TTC28: variants seen among roughly 807,000 people sequenced by gnomAD.
TTC28 encodes tetratricopeptide repeat domain 28.
In TTC28, 61 loss-of-function variants were observed where a neutral mutation model predicts 198.0. The observed-to-expected ratio is 0.31, with a 90% CI of 0.25 to 0.38. TTC28 has a LOEUF of 0.38. Among genes scored for constraint, TTC28 ranks in the 10% least tolerant of loss-of-function variants. The pLI is 1.00. For missense variants in TTC28, 2,678 were observed against 3,164.0 expected (o/e 0.85, Z 3.69); for synonymous variants, 1,171 against 1,297.8 (o/e 0.90, Z 2.10).
intron 2 of TTC28, among the ~76,000 whole-genome samples, chr22:28,506,098 G>A (rs929027446): frequency 7.2e-5 from 11 of 152,092 alleles, no homozygotes; most frequent in African/African-American, 2.2e-4. Context: ...TTCCTGCGGT[G>A]GCTTCAGCCA....
chr22:28,639,511 T>C (rs2051328584), intron 1 of TTC28, among the ~76,000 whole-genome samples: 1 of 152,220 alleles, frequency 6.6e-6, no homozygotes, highest in Non-Finnish European at 1.5e-5. Flanking sequence ...AAGTCTCATC[T>C]TGAATTCCCA....
chr22:28,277,338 A>G (rs2044491267), intron 5 of TTC28, among the ~76,000 whole-genome samples: 1 of 152,244 alleles, frequency 6.6e-6, no homozygotes, highest in Non-Finnish European at 1.5e-5. Flanking sequence ...CAGGGAGAAT[A>G]AAAGATTCTG....
intron 2 of TTC28, among the ~76,000 whole-genome samples, chr22:28,396,115 C>T (rs1279321859): frequency 6.6e-6 from 1 of 152,142 alleles, no homozygotes; most frequent in Non-Finnish European, 1.5e-5. Context: ...AATAGTAATG[C>T]TGGGCATCAG....
intron 5 of TTC28, among the ~76,000 whole-genome samples, chr22:28,231,439 T>C (rs573649512): frequency 6.6e-6 from 1 of 152,354 alleles, no homozygotes; most frequent in Non-Finnish European, 1.5e-5. Flanking sequence ...TATTTTTAAA[T>C]TTTAAGTCCA....
intron 12 of TTC28, among the ~76,000 whole-genome samples, chr22:28,090,763 TCTTA>T (rs1400280604): frequency 6.6e-6 from 1 of 152,228 alleles, no homozygotes; most frequent in Non-Finnish European, 1.5e-5. Flanking sequence ...AGTGAAATTT[TCTTA>T]CTGTTTTCAT....
chr22:28,562,160 G>GA (rs938415963), intron 2 of TTC28, among the ~76,000 whole-genome samples: 3 of 151,878 alleles, frequency 2.0e-5, no homozygotes, highest in Non-Finnish European at 4.4e-5. Context: ...AAGTAATGAG[G>GA]AAAAAAATTG....
At chr22:28,405,263 T>A (rs775987600) in intron 2 of TTC28, among the ~76,000 whole-genome samples, 21 of 152,240 alleles carry the variant, frequency 1.4e-4, no homozygotes, top group Admixed American at 1.2e-3. Flanking sequence ...TTTAAGACTA[T>A]GATTATGATT....
intron 2 of TTC28, among the ~76,000 whole-genome samples, chr22:28,467,769 T>A (rs1417827438): frequency 1.3e-5 from 2 of 152,238 alleles, no homozygotes; most frequent in East Asian, 3.9e-4. Flanking sequence ...AGAAGAGATT[T>A]TTTTTTCCTT....
chr22:28,162,993 A>G, intron 6 of TTC28, 99 bp downstream of exon 6: 2 of 1,370,116 alleles, frequency 1.5e-6, no homozygotes. Flanking sequence ...TATTCTTTTA[A>G]ATATAAACAC....
intron 5 of TTC28, among the ~76,000 whole-genome samples, chr22:28,253,422 G>A (rs1321570437): frequency 1.3e-5 from 2 of 152,048 alleles, no homozygotes; most frequent in Non-Finnish European, 2.9e-5. Context: ...TTACTGCAAT[G>A]CACTAGCTTA....
intron 12 of TTC28, among the ~76,000 whole-genome samples, chr22:28,049,018 C>A (rs1049086807): frequency 6.6e-5 from 10 of 152,196 alleles, no homozygotes; most frequent in Admixed American, 1.3e-4. Flanking sequence ...TCCTTAAGAT[C>A]CAGACCATAA....
intron 6 of TTC28, among the ~76,000 whole-genome samples, chr22:28,122,135 T>C (rs953122647): frequency 3.3e-5 from 5 of 152,198 alleles, no homozygotes; most frequent in African/African-American, 2.4e-5. Context: ...CCCAAAGTGA[T>C]AGGATTGCAG....
At chr22:28,308,719 G>A (rs539171397) in intron 2 of TTC28, among the ~76,000 whole-genome samples, 2 of 152,222 alleles carry the variant, frequency 1.3e-5, no homozygotes, top group African/African-American at 4.8e-5. Context: ...ATAAGAAAAG[G>A]TAAGACTGGA....
intron 2 of TTC28, among the ~76,000 whole-genome samples, chr22:28,354,224 A>G (rs749410498): frequency 3.9e-5 from 6 of 152,226 alleles, no homozygotes; most frequent in Non-Finnish European, 7.3e-5. Context: ...GTAGTTATCC[A>G]ACAGTGTTCA....
chr22:28,522,569 A>G (rs1048436940), intron 2 of TTC28, among the ~76,000 whole-genome samples: 4 of 152,076 alleles, frequency 2.6e-5, no homozygotes, highest in Admixed American at 2.6e-4. Flanking sequence ...ATTGTAAATA[A>G]TAGAACTGAA....
rs1390903052 is a variant in TTC28, at chr22:28,398,551, T to C, written c.382-91908A>G. The stretch of plus-strand genomic sequence containing the variant: ...TGACAAACTGAGGGTGACTCCAGCA[T>C]GTAAGGCATTATTCATCTCTAAACA... On this transcript the variant is annotated intron_variant, in intron 2 of 22. Transcript: ENST00000397906. Among the ~76,000 whole-genome samples the C allele has an allele frequency of 2.6e-5, 4 of 152,308 alleles. No individual in the cohort carries two copies. In the East Asian group the frequency reaches 7.7e-4, roughly 29 times the overall value.
intron 2 of TTC28, among the ~76,000 whole-genome samples, chr22:28,624,761 C>A (rs1404767316): frequency 6.6e-6 from 1 of 151,876 alleles, no homozygotes; most frequent in Admixed American, 6.6e-5. Context: ...CACTTCGATA[C>A]CAAAACGAAA....
intron 8 of TTC28, among the ~76,000 whole-genome samples, chr22:28,103,804 A>G (rs1298938944): frequency 1.3e-5 from 2 of 152,268 alleles, no homozygotes; most frequent in African/African-American, 4.8e-5. Context: ...TCATGGAAAT[A>G]GTATTTCAGG....
chr22:28,670,631 A>G (rs1343223012), intron 1 of TTC28, among the ~76,000 whole-genome samples: 2 of 151,060 alleles, frequency 1.3e-5, no homozygotes, highest in African/African-American at 4.9e-5. Context: ...TTTGGCTTTT[A>G]TAAATAATAT....
Sources: allele counts gnomAD v4.1 joint callset (sites outside exome capture counted in the v4.1 genomes callset), GRCh38; gene constraint gnomAD v4.1.1; transcripts MANE v1.5; gene names NCBI Gene and HGNC (gene_info 2026-07-23, HGNC 2026-07-21).